The following CLVS2 variants were observed in gnomAD, a reference collection of about 807,000 sequenced individuals.
CLVS2 encodes the protein clavesin 2, also known as clavesin-2.
Under a neutral mutation model 29.0 loss-of-function variants are expected in CLVS2, and 19 were observed. The observed-to-expected ratio is 0.66, with a 90% CI of 0.46 to 0.96. CLVS2 has a LOEUF of 0.96. Ranked by LOEUF, CLVS2 falls within the 40% of genes least tolerant of loss-of-function variation. The pLI, the probability that CLVS2 is intolerant of heterozygous loss-of-function variation, is 0.00. For missense variants in CLVS2, 294 were observed against 404.1 expected (o/e 0.73, Z 2.34); for synonymous variants, 161 against 151.3 (o/e 1.06, Z -0.47).
chr6:123,034,791 C>T (rs1312639053), intron 3 of CLVS2, among the ~76,000 whole-genome samples: 5 of 151,960 alleles, frequency 3.3e-5, no homozygotes, highest in Admixed American at 1.3e-4. Flanking sequence ...TGGTTTTAGT[C>T]GTTATTCTAG....
Position 123,007,525 on chromosome 6 carries a change from A to G in CLVS2, c.390-3460A>G, listed in dbSNP as rs190577634. 9.2e-5 allele frequency among the ~76,000 whole-genome samples: 14 copies of G among 152,332 alleles called. No homozygotes were observed. The East Asian group carries it at 2.5e-3, about 27-fold the overall frequency. ...AAGGAAGACTGATTTCATAACTGAAAAATTTCAAGAGGTATTAGATGTTTT... is the reference window on the plus strand; with the variant it reads ...AAGGAAGACTGATTTCATAACTGAAGAATTTCAAGAGGTATTAGATGTTTT... On this transcript the variant is annotated intron_variant, in intron 2 of 5. Coordinates refer to ENST00000275162, the MANE Select transcript of CLVS2 (RefSeq NM_001010852.4).
At chr6:123,040,226 G>C (rs984549803) in intron 3 of CLVS2, among the ~76,000 whole-genome samples, 11 of 152,192 alleles carry the variant, frequency 7.2e-5, no homozygotes, top group Non-Finnish European at 1.6e-4. Flanking sequence ...ACATGTCAGA[G>C]GCCCTGTGCA....
intron 3 of CLVS2, among the ~76,000 whole-genome samples, chr6:123,042,177 T>C (rs1156461770): frequency 6.6e-6 from 1 of 152,204 alleles, no homozygotes; most frequent in African/African-American, 2.4e-5. Context: ...TTTCTAACCA[T>C]TGATTTTAAA....
chr6:123,024,267 A>G (rs1191063731), intron 3 of CLVS2, among the ~76,000 whole-genome samples: 4 of 152,176 alleles, frequency 2.6e-5, no homozygotes, highest in African/African-American at 4.8e-5. Flanking sequence ...AACGATTATC[A>G]TAGGTATTAG....
rs1774527322 is a variant in CLVS2 at position 122,997,583 on chromosome 6, C to T, written c.-195C>T. ...AGAGGAAGAAGTTTACACCCCCCGG[C>T]CCCCCCAGCTTTGCTGGGGGAAAGC... On this transcript the variant is annotated 5_prime_UTR_variant, in exon 2 of 6. Coordinates refer to ENST00000275162, the MANE Select transcript of CLVS2 (RefSeq NM_001010852.4). The T allele has an allele frequency of 9.9e-6, 6 of 606,780 alleles. No homozygotes were observed. Among genetic ancestry groups the T allele is most frequent in the African/African-American group, 5.6e-5 (3 of 53,856 alleles). The allele number at this position is 606,780 out of a possible 1,614,324, so 37.6% of individuals were successfully genotyped here.
chr6:123,037,299 G>A (rs865778692), intron 3 of CLVS2, among the ~76,000 whole-genome samples: 2 of 152,044 alleles, frequency 1.3e-5, no homozygotes, highest in African/African-American at 2.4e-5. Context: ...ACAATTGTTC[G>A]TGAAGTTGTA....
At chr6:123,020,575 A>G (rs111546751) in intron 3 of CLVS2, among the ~76,000 whole-genome samples, 185 of 152,168 alleles carry the variant, frequency 1.2e-3, no homozygotes, top group African/African-American at 4.2e-3. Context: ...GTCTTGTTGT[A>G]TGTGTGGACT....
At chr6:123,037,805 A>G (rs1486540787) in intron 3 of CLVS2, among the ~76,000 whole-genome samples, 1 of 152,154 alleles carries the variant, frequency 6.6e-6, no homozygotes, top group Non-Finnish European at 1.5e-5. Flanking sequence ...TTGTGACTCA[A>G]TGTCTCCACA....
chr6:123,055,982 T>G lies in CLVS2; in HGVS notation c.852T>G (p.Pro284=). The G allele has an allele frequency of 6.2e-7, 1 of 1,613,806 alleles. No homozygotes were observed. The highest frequency in any genetic ancestry group is 1.7e-5 in the Admixed American group (1 of 59,980). ...SEYNVDSYSM[P]VKEVEKELSP... Reference sequence around the variant, plus strand: ...ACAATGTAGACTCCTACAGCATGCCTGTGAAGGAAGTAGAGAAGGAACTCT... The same window carrying G: ...ACAATGTAGACTCCTACAGCATGCCGGTGAAGGAAGTAGAGAAGGAACTCT... The change falls in exon 5 of 6, where the codon CCT becomes CCG. Residue 284 remains proline, a synonymous_variant. Coordinates refer to ENST00000275162, the MANE Select transcript of CLVS2 (RefSeq NM_001010852.4).
In CLVS2 at chr6:123,070,590, C is replaced by T. The variant is rs1014088192; in HGVS notation, c.*6829C>T. On this transcript the variant is annotated 3_prime_UTR_variant, in exon 6 of 6. Coordinates refer to ENST00000275162, the MANE Select transcript of CLVS2 (RefSeq NM_001010852.4). ...CCAAACCCTCTGAAAGAGTAAAAGC[C>T]GATGTCTTTATATCAGTGTATGAGA... is the stretch of plus-strand genomic sequence containing the variant. 2.0e-5 allele frequency: 3 copies of T among 151,842 alleles called. No individual in the cohort carries two copies. The highest frequency in any genetic ancestry group is 7.3e-5 in the African/African-American group (3 of 41,340). The allele number at this position is 151,842 out of a possible 1,614,324, so 9.4% of individuals were successfully genotyped here. A position where few individuals can be genotyped will look rare whatever the true frequency, so the allele number is the denominator to read the frequency against.
intron 3 of CLVS2, among the ~76,000 whole-genome samples, chr6:123,046,036 A>G (rs1313796082): frequency 2.0e-5 from 3 of 152,202 alleles, no homozygotes; most frequent in African/African-American, 7.2e-5. Flanking sequence ...GGAAAATGAC[A>G]TGCACTTGGG....
intron 2 of CLVS2, among the ~76,000 whole-genome samples, chr6:123,009,525 G>T (rs1748170482): frequency 1.3e-5 from 2 of 151,938 alleles, no homozygotes; most frequent in Non-Finnish European, 2.9e-5. Context: ...AGTAAAAATA[G>T]ACCTACTTCC....
At chr6:123,028,705 C>T (rs1018968757) in intron 3 of CLVS2, among the ~76,000 whole-genome samples, 3 of 152,066 alleles carry the variant, frequency 2.0e-5, no homozygotes, top group African/African-American at 2.4e-5. Context: ...CAAAGACAGG[C>T]GCCTGTTTCT....
At chr6:123,024,184 T>C (rs1424486687) in intron 3 of CLVS2, among the ~76,000 whole-genome samples, 2 of 152,164 alleles carry the variant, frequency 1.3e-5, no homozygotes, top group Non-Finnish European at 2.9e-5. Context: ...CCATAGGCAG[T>C]CATAGGTAGT....
In CLVS2 at chr6:123,067,757, A is replaced by C. The variant is rs907683360; in HGVS notation, c.*3996A>C. On this transcript the variant is annotated 3_prime_UTR_variant, in exon 6 of 6. Transcript: ENST00000275162. ...TTGTGAGGTCACTGATCATACAAGA[A>C]GAGGCAGATTATAAACCAACATATT... The C allele has an allele frequency of 1.3e-5, 2 of 151,822 alleles. No homozygotes were observed. Among genetic ancestry groups the C allele is most frequent in the Non-Finnish European group, 3.0e-5 (2 of 67,760 alleles). The allele number at this position is 151,822 out of a possible 1,614,324, so 9.4% of individuals were successfully genotyped here.
Position 122,997,954 on chromosome 6 carries a change from G to A in CLVS2, c.177G>A (p.Arg59=), listed in dbSNP as rs1280469833. The change falls in exon 2 of 6, where the codon CGG becomes CGA. Residue 59 remains arginine, a synonymous_variant. Coordinates refer to ENST00000275162, the MANE Select transcript of CLVS2 (RefSeq NM_001010852.4). The part of the protein sequence containing the change: ...TDDAFILRFL[R]ARKFHHFEAF... ...ATGCCTTCATCTTACGCTTCTTGCG[G>A]GCTAGGAAGTTTCATCACTTTGAGG... 2 of 1,614,106 alleles carry A rather than the reference G, an allele frequency of 1.2e-6. No individual in the cohort carries two copies. The highest frequency in any genetic ancestry group is 1.7e-6 in the Non-Finnish European group (2 of 1,179,994).
In CLVS2 at chr6:123,072,153, T is replaced by G. The variant is rs1443045177; in HGVS notation, c.*8392T>G. On this transcript the variant is annotated 3_prime_UTR_variant, in exon 6 of 6. Coordinates refer to ENST00000275162, the MANE Select transcript of CLVS2 (RefSeq NM_001010852.4). The stretch of plus-strand genomic sequence containing the variant: ...TGTTATTCCTTTTCTTCAGCTACAT[T>G]GTTGTGCCTTTCCCAACACTGTAAT... 2 of 152,066 alleles carry G rather than the reference T, an allele frequency of 1.3e-5. No individual in the cohort carries two copies. The highest frequency in any genetic ancestry group is 2.4e-5 in the African/African-American group (1 of 41,440). 9.4% of individuals were successfully genotyped at this position (152,066 alleles called of 1,614,324 possible).
chr6:123,002,727 G>A (rs558691738), intron 2 of CLVS2, among the ~76,000 whole-genome samples: 6 of 152,154 alleles, frequency 3.9e-5, no homozygotes, highest in African/African-American at 1.4e-4. Flanking sequence ...TAATTTTTCA[G>A]CTTAATTTTT....
At chr6:123,009,577 C>G (rs1774719849) in intron 2 of CLVS2, among the ~76,000 whole-genome samples, 1 of 152,028 alleles carries the variant, frequency 6.6e-6, no homozygotes, top group South Asian at 2.1e-4. Flanking sequence ...CTAACGAACT[C>G]ATCATTTCCA....
Sources: allele counts gnomAD v4.1 joint callset (sites outside exome capture counted in the v4.1 genomes callset), GRCh38; gene constraint gnomAD v4.1.1; transcripts MANE v1.5; gene names NCBI Gene and HGNC (gene_info 2026-07-23, HGNC 2026-07-21).